ARK2N: variants seen among roughly 807,000 people sequenced by gnomAD.
ARK2N encodes the protein arkadia (RNF111) N-terminal like PKA signaling regulator 2N.
At chr18:46,185,281 G>T in the ARK2N span, among the ~76,000 whole-genome samples, 1 of 152,168 alleles carries the variant, frequency 6.6e-6, no homozygotes, top group South Asian at 2.1e-4. Context: ...AAACATTTAG[G>T]TGCATAATTT....
chr18:46,201,463 TA>T, the ARK2N span, among the ~76,000 whole-genome samples: 1 of 152,192 alleles, frequency 6.6e-6, no homozygotes, highest in African/African-American at 2.4e-5. Flanking sequence ...TCTATTTGGT[TA>T]AATTTATGTG....
the ARK2N span, among the ~76,000 whole-genome samples, chr18:46,201,909 C>A: frequency 6.6e-6 from 1 of 151,858 alleles, no homozygotes; most frequent in Non-Finnish European, 1.5e-5. Context: ...TCCTGAGTAG[C>A]TGGGATTACA....
At chr18:46,179,572 A>AAGGAGC in the ARK2N span, among the ~76,000 whole-genome samples, 2 of 152,024 alleles carry the variant, frequency 1.3e-5, no homozygotes, top group Non-Finnish European at 2.9e-5. Flanking sequence ...TTGTAAAAGT[A>AAGGAGC]AGGAGCAGGA....
At chr18:46,245,002 C>T in the ARK2N span, among the ~76,000 whole-genome samples, 2 of 152,086 alleles carry the variant, frequency 1.3e-5, no homozygotes, top group Middle Eastern at 3.4e-3. Context: ...GCAGTCTCCG[C>T]TCATTGCAGC....
chr18:46,231,496 C>T, the ARK2N span, among the ~76,000 whole-genome samples: 3 of 146,862 alleles, frequency 2.0e-5, no homozygotes, highest in East Asian at 6.1e-4. Context: ...AAGTTGCCTA[C>T]ATATAAACCT....
the ARK2N span, among the ~76,000 whole-genome samples, chr18:46,210,201 G>A: frequency 6.6e-6 from 1 of 152,218 alleles, no homozygotes; most frequent in Non-Finnish European, 1.5e-5. Flanking sequence ...GAAAATAAAT[G>A]ATGGAGGTTG....
the ARK2N span, among the ~76,000 whole-genome samples, chr18:46,256,827 GT>G: frequency 6.6e-6 from 1 of 152,050 alleles, no homozygotes; most frequent in African/African-American, 2.4e-5. Context: ...TCTTTCTGAT[GT>G]TTTTTTCCCT....
chr18:46,266,951 C>A, the ARK2N span: 1 of 148,790 alleles, frequency 6.7e-6, no homozygotes, highest in Non-Finnish European at 1.5e-5. Context: ...AAAGGTTAAA[C>A]TATTTTAAGA....
the ARK2N span, among the ~76,000 whole-genome samples, chr18:46,220,435 C>T: frequency 6.6e-6 from 1 of 152,160 alleles, no homozygotes; most frequent in Non-Finnish European, 1.5e-5. Context: ...ACTTATTATG[C>T]TTGATCAGTT....
chr18:46,181,279 T>C, the ARK2N span, among the ~76,000 whole-genome samples: 4 of 151,422 alleles, frequency 2.6e-5, 1 homozygote, highest in Admixed American at 6.6e-5. Context: ...GGGGGGGAAA[T>C]GTCGTTTTTT....
chr18:46,261,176 G>T, the ARK2N span, among the ~76,000 whole-genome samples: 1 of 152,088 alleles, frequency 6.6e-6, no homozygotes, highest in East Asian at 1.9e-4. Context: ...GTTAGTTTGG[G>T]TCTATTTTTG....
At chr18:46,221,047 G>A in the ARK2N span, among the ~76,000 whole-genome samples, 1 of 151,990 alleles carries the variant, frequency 6.6e-6, no homozygotes, top group Non-Finnish European at 1.5e-5. Flanking sequence ...GGTGTGGGAG[G>A]ATTGCTTGAG....
the ARK2N span, chr18:46,263,262 T>C: frequency 1.4e-6 from 1 of 715,168 alleles, no homozygotes; most frequent in Non-Finnish European, 2.1e-6. Context: ...TTCCCTCCTC[T>C]TCCCCCCTTT....
At chr18:46,244,029 G>T in the ARK2N span, among the ~76,000 whole-genome samples, 1 of 152,144 alleles carries the variant, frequency 6.6e-6, no homozygotes, top group Non-Finnish European at 1.5e-5. Context: ...TTGCCAGAGC[G>T]TAGAAATTAC....
At chr18:46,199,094 T>A in the ARK2N span, among the ~76,000 whole-genome samples, 1 of 152,184 alleles carries the variant, frequency 6.6e-6, no homozygotes, top group South Asian at 2.1e-4. Context: ...TTATGGATTT[T>A]AAAGCAGTCT....
chr18:46,248,708 C>T, the ARK2N span, among the ~76,000 whole-genome samples: 15 of 152,126 alleles, frequency 9.9e-5, no homozygotes, highest in Non-Finnish European at 1.9e-4. Context: ...CCTCAGCATC[C>T]GGAGTAGCAG....
At chr18:46,214,179 A>G in the ARK2N span, among the ~76,000 whole-genome samples, 13 of 152,310 alleles carry the variant, frequency 8.5e-5, no homozygotes, top group East Asian at 2.1e-3. Flanking sequence ...GGCATGTTAG[A>G]TCTGTTTTAA....
At chr18:46,187,584 C>T in the ARK2N span, among the ~76,000 whole-genome samples, 10 of 152,032 alleles carry the variant, frequency 6.6e-5, no homozygotes, top group Non-Finnish European at 1.2e-4. Context: ...TCAGGTGATC[C>T]GACCGCCTTG....
At chr18:46,208,464 C>CTTTTTT in the ARK2N span, among the ~76,000 whole-genome samples, 16 of 68,380 alleles carry the variant, frequency 2.3e-4, no homozygotes, top group East Asian at 5.1e-4. Flanking sequence ...GTTCTTAAAT[C>CTTTTTT]TTTTTTTTTT....
Sources: gnomAD v4.1 joint callset for allele counts (sites outside exome capture counted in the v4.1 genomes callset) on GRCh38, gnomAD v4.1.1 for gene constraint, MANE v1.5 for transcripts, NCBI Gene and HGNC (gene_info 2026-07-23, HGNC 2026-07-21) for gene names.